Variants in SUPT20H observed in about 807,000 individuals in gnomAD.
The protein encoded by SUPT20H is transcription factor SPT20 homolog.
In SUPT20H, 82 loss-of-function variants were observed where a neutral mutation model predicts 122.8. The ratio of observed to expected loss-of-function variants is 0.67; its 90% confidence interval spans 0.56 to 0.80. The LOEUF is 0.80. Ranked by LOEUF, SUPT20H falls within the 30% of genes least tolerant of loss-of-function variation. SUPT20H has a pLI of 0.00. For synonymous variants in SUPT20H, 291 were observed against 313.0 expected, an observed-to-expected ratio of 0.93 and a Z score of 0.74; for missense variants, 831 against 921.6, an observed-to-expected ratio of 0.90 and a Z score of 1.27.
intron 22 of SUPT20H, among the ~76,000 whole-genome samples, chr13:37,018,354 G>C (rs1237964784): frequency 6.6e-6 from 1 of 152,136 alleles, no homozygotes; most frequent in African/African-American, 2.4e-5. Flanking sequence ...ATAAACAAAT[G>C]CAATTTGTGG....
At chr13:37,032,050 T>C (rs1245596866) in intron 10 of SUPT20H, among the ~76,000 whole-genome samples, 155 bp from the exon 11 acceptor site, 1 of 151,840 alleles carries the variant, frequency 6.6e-6, no homozygotes, top group Non-Finnish European at 1.5e-5. Context: ...CTAGGTGAAA[T>C]AAAAATGAAT....
At chr13:37,010,938 T>G in intron 24 of SUPT20H, 1 of 246,628 alleles carries the variant, frequency 4.1e-6, no homozygotes, top group South Asian at 1.0e-4. Context: ...TTGATATTGA[T>G]GCTATTTTGT....
chr13:37,035,337 G>A (rs1174590231), intron 9 of SUPT20H, among the ~76,000 whole-genome samples: 1 of 152,156 alleles, frequency 6.6e-6, no homozygotes, highest in Non-Finnish European at 1.5e-5. Context: ...TTTGGGAGAA[G>A]TTGATTCCAA....
chr13:37,043,261 T>A (rs2065817885), intron 7 of SUPT20H, among the ~76,000 whole-genome samples: 1 of 152,182 alleles, frequency 6.6e-6, no homozygotes, highest in Non-Finnish European at 1.5e-5. Context: ...GAGGTAGGGA[T>A]GCTAGTCGAC....
chr13:37,058,806 C>T (rs1188492829), intron 1 of SUPT20H, among the ~76,000 whole-genome samples: 1 of 152,080 alleles, frequency 6.6e-6, no homozygotes, highest in African/African-American at 2.4e-5. Context: ...TTAAAAAAAG[C>T]AAAGCAATTA....
In SUPT20H at chr13:37,025,207, G is replaced by A. The variant is rs1421287533; in HGVS notation, c.1329+113C>T. ...TCCACCCACCTTGGCCTCCCAAAGT[G>A]TTGGGATTACAGGCATGAGCCACTG... On this transcript the variant is annotated intron_variant, in intron 17 of 25. Coordinates refer to ENST00000350612, the MANE Select transcript of SUPT20H (RefSeq NM_001014286.3). 12 of 917,366 alleles carry A rather than the reference G, an allele frequency of 1.3e-5. No homozygotes were observed. The East Asian group carries it at 1.5e-4, about 12-fold the overall frequency. The allele number at this position is 917,366 out of a possible 1,614,324, so 56.8% of individuals were successfully genotyped here.
Position 37,024,333 on chromosome 13 carries a change from G to A in SUPT20H, c.1432+7C>T, listed in dbSNP as rs1269909833. ...TCTAGACTGCAAAAAACTAAGAAATGTAATACCTGAGGAACTATTTCCTGA... is the reference window on the plus strand; with the variant it reads ...TCTAGACTGCAAAAAACTAAGAAATATAATACCTGAGGAACTATTTCCTGA... On this transcript the variant is annotated splice_region_variant and intron_variant, in intron 18 of 25. Transcript: ENST00000350612. The A allele has an allele frequency of 1.3e-6, 2 of 1,565,972 alleles. No homozygotes were observed. The highest frequency in any genetic ancestry group is 1.7e-6 in the Non-Finnish European group (2 of 1,161,612).
chr13:37,047,726 G>T, intron 4 of SUPT20H, 125 bp from the exon 5 acceptor site: 1 of 1,197,714 alleles, frequency 8.3e-7, no homozygotes, highest in Non-Finnish European at 1.1e-6. Context: ...CTGGGGTGGA[G>T]CTGAATATAG....
At chr13:37,013,835 T>A (rs1397880111) in intron 23 of SUPT20H, 2 of 152,024 alleles carry the variant, frequency 1.3e-5, no homozygotes, top group African/African-American at 2.4e-5. Context: ...ATTATTGAAT[T>A]TGGAACCCAG....
chr13:37,057,294 CAA>C (rs879863892), intron 1 of SUPT20H, among the ~76,000 whole-genome samples: 3 of 137,150 alleles, frequency 2.2e-5, no homozygotes, highest in Non-Finnish European at 1.6e-5. Flanking sequence ...GACCCTGTCT[CAA>C]AAAAAAAAAA....
intron 25 of SUPT20H, 76 bp from the exon 26 acceptor site, chr13:37,009,885 AAAC>A: frequency 6.5e-7 from 1 of 1,533,960 alleles, no homozygotes; most frequent in South Asian, 1.3e-5. Context: ...CTGAGTGACG[AAAC>A]AACACAACTG....
intron 1 of SUPT20H, among the ~76,000 whole-genome samples, chr13:37,054,388 A>G (rs943083100): frequency 2.6e-5 from 4 of 152,232 alleles, no homozygotes; most frequent in Non-Finnish European, 5.9e-5. Context: ...TGGCAAATCG[A>G]ATCCAGCAGC....
chr13:37,045,388 G>A lies in SUPT20H; in HGVS notation c.166-15C>T, dbSNP rs943931343. 2.5e-6 allele frequency: 4 copies of A among 1,612,010 alleles called. No individual in the cohort carries two copies. The African/African-American group carries it at 4.0e-5, about 16-fold the overall frequency. ...CTTCTTAATTTCTGCTTTAAAAAGA[G>A]GCAGAGCTCATGAAAATAATCCAGT... On this transcript the variant is annotated splice_polypyrimidine_tract_variant and intron_variant, in intron 5 of 25. Transcript: ENST00000350612.
At position 37,009,554 on chromosome 13, in the gene SUPT20H, T is replaced by G. The variant is rs981852250; in HGVS notation, c.*118A>C. 3.3e-5 allele frequency: 40 copies of G among 1,209,604 alleles called. No homozygotes were observed. The highest frequency in any genetic ancestry group is 4.4e-5 in the Non-Finnish European group (36 of 824,584). The allele number at this position is 1,209,604 out of a possible 1,614,324, so 74.9% of individuals were successfully genotyped here. A position where few individuals can be genotyped will look rare whatever the true frequency, so the allele number is the denominator to read the frequency against. On this transcript the variant is annotated 3_prime_UTR_variant, in exon 26 of 26. Transcript: ENST00000350612. Reference sequence around the variant, plus strand: ...GATAAGGTTGTGCTTCTGTATAAAGTTTGTACATCTAGCAATGTAAAATAC... The same window carrying G: ...GATAAGGTTGTGCTTCTGTATAAAGGTTGTACATCTAGCAATGTAAAATAC...
In SUPT20H at chr13:37,026,771, T is replaced by TA; in HGVS notation, c.1178+18dup. 1.5e-6 allele frequency: 2 copies of TA among 1,325,384 alleles called. No homozygotes were observed. Among genetic ancestry groups the TA allele is most frequent in the Non-Finnish European group, 2.0e-6 (2 of 983,022 alleles). 82.1% of individuals were successfully genotyped at this position (1,325,384 alleles called of 1,614,324 possible). A position where few individuals can be genotyped will look rare whatever the true frequency, so the allele number is the denominator to read the frequency against. ...TATGTAATTTCTTAACAGATTAAAA[T>TA]AGTTTATTTTTTAATTACCAATTTG... is the stretch of plus-strand genomic sequence containing the variant. On this transcript the variant is annotated intron_variant, in intron 15 of 25. Transcript: ENST00000350612.
At chr13:37,020,007 C>T (rs1411482691) in intron 21 of SUPT20H, among the ~76,000 whole-genome samples, 1 of 152,076 alleles carries the variant, frequency 6.6e-6, no homozygotes, top group Admixed American at 6.5e-5. Flanking sequence ...AATAAAGGGC[C>T]ATCATGTGGG....
At chr13:37,049,005 C>T (rs572608962) in intron 2 of SUPT20H, among the ~76,000 whole-genome samples, 3 of 152,086 alleles carry the variant, frequency 2.0e-5, no homozygotes, top group East Asian at 1.9e-4. Flanking sequence ...ATTGAGAGTG[C>T]GGTTGTACTG....
intron 9 of SUPT20H, among the ~76,000 whole-genome samples, chr13:37,036,532 G>C (rs1354411391): frequency 6.6e-6 from 1 of 152,036 alleles, no homozygotes; most frequent in Non-Finnish European, 1.5e-5. Flanking sequence ...ATGTTGGCCG[G>C]GATGGTCTCG....
intron 1 of SUPT20H, among the ~76,000 whole-genome samples, chr13:37,053,766 C>G (rs1476455263): frequency 6.6e-6 from 1 of 151,816 alleles, no homozygotes; most frequent in East Asian, 1.9e-4. Flanking sequence ...AACCTCACTC[C>G]TTGGGTACAT....
Sources: allele counts gnomAD v4.1 joint callset (sites outside exome capture counted in the v4.1 genomes callset), GRCh38; gene constraint gnomAD v4.1.1; transcripts MANE v1.5; gene names NCBI Gene and HGNC (gene_info 2026-07-23, HGNC 2026-07-21).